Variants in PMEPA1 observed in about 807,000 individuals in gnomAD.
PMEPA1 encodes prostate transmembrane protein, androgen induced 1.
PMEPA1 carries 11 observed loss-of-function variants against 23.0 expected under a neutral mutation model. That is an observed-to-expected ratio of 0.48 (90% CI 0.30 to 0.79). The LOEUF is 0.79. Ranked by LOEUF, PMEPA1 falls within the 30% of genes least tolerant of loss-of-function variation. The pLI is 0.06. For synonymous variants in PMEPA1, 204 were observed against 166.4 expected, an observed-to-expected ratio of 1.23 and a Z score of -1.74; for missense variants, 377 against 390.9, an observed-to-expected ratio of 0.96 and a Z score of 0.30.
At chr20:57,661,803 T>G (rs923805129) in intron 1 of PMEPA1, among the ~76,000 whole-genome samples, 2 of 152,218 alleles carry the variant, frequency 1.3e-5, no homozygotes, top group African/African-American at 4.8e-5. Context: ...TGTCACTGTC[T>G]GTGAAGTGGC....
chr20:57,702,628 C>T (rs747498586), intron 1 of PMEPA1, among the ~76,000 whole-genome samples: 1 of 152,276 alleles, frequency 6.6e-6, no homozygotes, highest in South Asian at 2.1e-4. Flanking sequence ...GAAAAGAAAG[C>T]CTGGGAGTGT....
chr20:57,693,572 CT>C (rs1915161849), intron 1 of PMEPA1, among the ~76,000 whole-genome samples: 1 of 152,210 alleles, frequency 6.6e-6, no homozygotes, highest in African/African-American at 2.4e-5. Context: ...CACCTGAGCC[CT>C]TTTCTTCACT....
intron 1 of PMEPA1, chr20:57,690,576 T>C (rs2071867584): frequency 7.9e-7 from 1 of 1,259,552 alleles, no homozygotes. Flanking sequence ...TCCATTGCTA[T>C]GGCGGGTGTA....
upstream of PMEPA1, chr20:57,710,282 C>T (rs754715162): frequency 9.0e-6 from 6 of 668,062 alleles, no homozygotes; most frequent in Non-Finnish European, 1.4e-5. Flanking sequence ...GCCGGGGAGC[C>T]GAACTCGGTG....
At position 57,709,515 on chromosome 20, in the gene PMEPA1, G is replaced by A; in HGVS notation, c.68C>T (p.Thr23Met). Residue 23 changes from threonine to methionine, a missense_variant, in exon 1 of 4, where the codon ACG becomes ATG. Coordinates refer to ENST00000341744, the MANE Select transcript of PMEPA1 (RefSeq NM_020182.5). ...GAACAAAGAGCGTTTGCAGTTGCAC[G>A]TGCAGGAGACATTGGGCTGCCCGGC... ...AAAGQPNVSC[T>M]CNCKRSLFQS... is the part of the protein sequence containing the mutation. The A allele has an allele frequency of 8.7e-7, 1 of 1,145,936 alleles. No individual in the cohort carries two copies. The allele number at this position is 1,145,936 out of a possible 1,614,324, so 71.0% of individuals were successfully genotyped here. A position where few individuals can be genotyped will look rare whatever the true frequency, so the allele number is the denominator to read the frequency against.
chr20:57,696,918 T>A (rs1371988942), intron 1 of PMEPA1, among the ~76,000 whole-genome samples: 1 of 152,230 alleles, frequency 6.6e-6, no homozygotes, highest in African/African-American at 2.4e-5. Context: ...TGACATATTG[T>A]CAAGGAACCA....
At chr20:57,702,153 G>T (rs1001603391) in intron 1 of PMEPA1, among the ~76,000 whole-genome samples, 1 of 152,204 alleles carries the variant, frequency 6.6e-6, no homozygotes, top group African/African-American at 2.4e-5. Flanking sequence ...GAATTTGTCT[G>T]TGTCGTTCCC....
Position 57,656,963 on chromosome 20 carries a change from T to C in PMEPA1, c.264+2580A>G, listed in dbSNP as rs546422945. On this transcript the variant is annotated intron_variant, in intron 2 of 3. Coordinates refer to ENST00000341744, the MANE Select transcript of PMEPA1 (RefSeq NM_020182.5). This position sits in a 1 kb window ranked among gnomAD's most constrained non-coding sequence, Gnocchi z 4.7. The stretch of plus-strand genomic sequence containing the variant: ...GGTCCCCAGGGGAGCTGCCACATTC[T>C]GCTTTAGGCCTAGTGAGGCTCCACG... 2.6e-5 allele frequency among the ~76,000 whole-genome samples: 4 copies of C among 152,300 alleles called. No individual in the cohort carries two copies. In the South Asian group the frequency reaches 8.3e-4, roughly 32 times the overall value.
chr20:57,690,323 A>G, intron 1 of PMEPA1: 1 of 743,086 alleles, frequency 1.3e-6, no homozygotes, highest in Non-Finnish European at 2.1e-6. Context: ...CACCCCCACC[A>G]CTGCCACCCG....
intron 1 of PMEPA1, among the ~76,000 whole-genome samples, chr20:57,664,841 G>C (rs2071471431): frequency 6.6e-6 from 1 of 152,242 alleles, no homozygotes; most frequent in African/African-American, 2.4e-5. Flanking sequence ...CATCTGCAGG[G>C]CAGGCGGCTT....
At chr20:57,689,900 G>C (rs1371528083) in intron 1 of PMEPA1, among the ~76,000 whole-genome samples, 2 of 152,200 alleles carry the variant, frequency 1.3e-5, no homozygotes, top group African/African-American at 4.8e-5. Flanking sequence ...CACAGACACG[G>C]CGCTGCTGGG....
At chr20:57,659,774 T>C (rs2146646603) in intron 1 of PMEPA1, 77 bp from the exon 2 acceptor site, 1 of 1,393,948 alleles carries the variant, frequency 7.2e-7, no homozygotes. Context: ...CCTTTTGAGC[T>C]TTTTCACCCA....
intron 1 of PMEPA1, among the ~76,000 whole-genome samples, chr20:57,662,455 G>T (rs929659740): frequency 6.6e-6 from 1 of 152,214 alleles, no homozygotes; most frequent in African/African-American, 2.4e-5. Context: ...CCCCGAGAAG[G>T]CTTCGGCCCT....
At chr20:57,700,148 G>A (rs1396502530) in intron 1 of PMEPA1, 4 of 471,464 alleles carry the variant, frequency 8.5e-6, no homozygotes, top group Admixed American at 2.3e-5. Flanking sequence ...TTCCACTCCT[G>A]ATGCTGATGC....
intron 1 of PMEPA1, among the ~76,000 whole-genome samples, chr20:57,695,993 T>C (rs1482698870): frequency 2.6e-5 from 4 of 152,152 alleles, no homozygotes; most frequent in African/African-American, 4.8e-5. Flanking sequence ...CTGGACTCTC[T>C]CCTCACCCCT....
intron 1 of PMEPA1, among the ~76,000 whole-genome samples, chr20:57,687,061 T>C (rs2071810637): frequency 6.6e-6 from 1 of 152,284 alleles, no homozygotes; most frequent in South Asian, 2.1e-4. Context: ...GTTCCTAATC[T>C]TCGCTCCTCT....
chr20:57,660,176 A>AG (rs2071393617), intron 1 of PMEPA1, among the ~76,000 whole-genome samples: 1 of 152,110 alleles, frequency 6.6e-6, no homozygotes, highest in African/African-American at 2.4e-5. Flanking sequence ...TGGGAGGAGA[A>AG]GGGGACCCCT....
chr20:57,692,810 CTGT>C (rs2071899884), intron 1 of PMEPA1, among the ~76,000 whole-genome samples: 1 of 152,206 alleles, frequency 6.6e-6, no homozygotes, highest in South Asian at 2.1e-4. Flanking sequence ...TGGGAGGGTT[CTGT>C]TCTACAGGAC....
chr20:57,709,737 G>A lies in PMEPA1; in HGVS notation c.-155C>T. 2 of 979,422 alleles carry A rather than the reference G, an allele frequency of 2.0e-6. No individual in the cohort carries two copies. The highest frequency in any genetic ancestry group is 4.7e-5 in the South Asian group (1 of 21,382). 60.7% of individuals were successfully genotyped at this position (979,422 alleles called of 1,614,324 possible). A position where few individuals can be genotyped will look rare whatever the true frequency, so the allele number is the denominator to read the frequency against. On this transcript the variant is annotated 5_prime_UTR_variant, in exon 1 of 4. Coordinates refer to ENST00000341744, the MANE Select transcript of PMEPA1 (RefSeq NM_020182.5). ...GGGCTCGGGTCGCCGCCAAGTTCCC[G>A]GGGCGCCGCGGGGCTCAGTGCGCGG...
Sources: gnomAD v4.1 joint callset for allele counts (sites outside exome capture counted in the v4.1 genomes callset) on GRCh38, gnomAD v4.1.1 for gene constraint, Gnocchi (gnomAD v3.1) non-coding constraint, MANE v1.5 for transcripts, NCBI Gene and HGNC (gene_info 2026-07-23, HGNC 2026-07-21) for gene names.